IGFN1: variants seen among roughly 807,000 people sequenced by gnomAD.
The protein encoded by IGFN1 is immunoglobulin like and fibronectin type III domain containing 1.
IGFN1 carries 253 observed loss-of-function variants against 289.5 expected under a neutral mutation model. The observed-to-expected ratio is 0.87, with a 90% confidence interval of 0.79 to 0.97. The LOEUF (loss-of-function observed/expected upper bound fraction) is 0.97, where lower values mean the gene tolerates loss of function less well. IGFN1 is among the 50% of genes least tolerant of loss of function. IGFN1 has a pLI of 0.00. For synonymous variants in IGFN1, 1,706 were observed against 1,788.5 expected (o/e 0.95, Z 1.16); for missense variants, 4,470 against 4,686.1 (o/e 0.95, Z 1.35).
At chr1:201,215,317 C>T (rs888707003) in intron 14 of IGFN1, among the ~76,000 whole-genome samples, 163 bp downstream of exon 14, 2 of 152,206 alleles carry the variant, frequency 1.3e-5, no homozygotes, top group Non-Finnish European at 2.9e-5. Context: ...CATACCCTGC[C>T]TATTCCAGCA....
At chr1:201,216,132 T>C (rs1406755544) in intron 15 of IGFN1, 4 of 646,174 alleles carry the variant, frequency 6.2e-6, no homozygotes, top group Non-Finnish European at 1.1e-5. Flanking sequence ...CAGCCCTGAG[T>C]GGTGCCAGCA....
chr1:201,211,326 G>A lies in IGFN1; in HGVS notation c.6433G>A (p.Asp2145Asn), dbSNP rs1431418332. Residue 2145 changes from aspartate to asparagine, a missense_variant, in exon 12 of 24, where the codon GAT becomes AAT. Asp to Asn is a conservative substitution (Grantham distance 23). Coordinates refer to ENST00000335211, the MANE Select transcript of IGFN1 (RefSeq NM_001164586.2). The part of the protein sequence containing the change: ...GSVNEAGYRK[D>N]LGAPKGMGSE... ...AGTGAATGAGGCAGGTTATAGGAAG[G>A]ATTTGGGGGCTCCTAAGGGAATGGG... 3.3e-6 allele frequency: 5 copies of A among 1,501,224 alleles called. No individual in the cohort carries two copies. In the African/African-American group the frequency reaches 7.0e-5, roughly 21 times the overall value. The allele number at this position is 1,501,224 out of a possible 1,614,324, so 93.0% of individuals were successfully genotyped here.
intron 12 of IGFN1, 65 bp from the exon 13 acceptor site, chr1:201,214,112 C>T (rs976721911): frequency 2.2e-5 from 32 of 1,475,992 alleles, no homozygotes; most frequent in Middle Eastern, 2.3e-4. Context: ...GGTGGCCTTG[C>T]GGGGCACAGC....
intron 14 of IGFN1, 94 bp from the exon 15 acceptor site, chr1:201,215,445 T>G: frequency 8.5e-7 from 1 of 1,170,660 alleles, no homozygotes; most frequent in Non-Finnish European, 1.2e-6. Flanking sequence ...GATTCCTTAC[T>G]CTTCCCCCAA....
At position 201,217,593 on chromosome 1, in the gene IGFN1, T is replaced by C. The variant is rs916678711; in HGVS notation, c.9769+133T>C. ...GGTTTGGCAACGTCTGGAGATATTT[T>C]TCGTGGTCACAATGGGGTGGAGGGT... is the stretch of plus-strand genomic sequence containing the variant. On this transcript the variant is annotated intron_variant, in intron 17 of 23. Coordinates refer to ENST00000335211, the MANE Select transcript of IGFN1 (RefSeq NM_001164586.2). The C allele has an allele frequency of 1.8e-5, 16 of 887,790 alleles. No homozygotes were observed. The Admixed American group carries it at 3.3e-4, about 18-fold the overall frequency. 55.0% of individuals were successfully genotyped at this position (887,790 alleles called of 1,614,324 possible).
chr1:201,218,425 G>A (rs1653472237), intron 17 of IGFN1, 105 bp from the exon 18 acceptor site: 4 of 1,121,580 alleles, frequency 3.6e-6, no homozygotes, highest in Non-Finnish European at 5.1e-6. Flanking sequence ...GGAGGGATGT[G>A]TTAGGACCCC....
Position 201,226,527 on chromosome 1 carries a change from G to C in IGFN1, c.10787-355G>C, listed in dbSNP as rs924450193. Among the ~76,000 whole-genome samples, 3 of 152,224 alleles carry C rather than the reference G, an allele frequency of 2.0e-5. No homozygotes were observed. The South Asian group carries it at 6.2e-4, about 32-fold the overall frequency. On this transcript the variant is annotated intron_variant, in intron 22 of 23. Transcript: ENST00000335211. ...AAGCAGGCTATAAAATCAAATCAAG[G>C]TTTCATTTTCATAAAATACAAAAAT...
chr1:201,216,355 G>A (rs975465993), intron 15 of IGFN1, 99 bp from the exon 16 acceptor site: 14 of 938,368 alleles, frequency 1.5e-5, no homozygotes, highest in East Asian at 2.7e-5. Context: ...GGATGGGGGT[G>A]GGGGGGAGTC....
rs2102348757 is a variant in IGFN1 at position 201,212,581 on chromosome 1, G to T, written c.7688G>T (p.Arg2563Met). 1 of 1,549,442 alleles carries T rather than the reference G, an allele frequency of 6.5e-7. No individual in the cohort carries two copies. The highest frequency in any genetic ancestry group is 2.4e-5 in the East Asian group (1 of 40,920). The change falls in exon 12 of 24, where the codon AGG becomes ATG. Residue 2563 changes from arginine to methionine, a missense_variant. By Grantham distance (91) the Arg-to-Met change is moderately conservative. Around this residue, in one of 8 missense-constraint regions of IGFN1, gnomAD observed 2,218 missense variants for 2,114.1 expected, o/e 1.05. Coordinates refer to ENST00000335211, the MANE Select transcript of IGFN1 (RefSeq NM_001164586.2). Reference sequence around the variant, plus strand: ...AAAGCAGGCCCAGGAATGACAGACAGGGGTAGAGTTGCTGGCCAGGGGGGG... The same window carrying T: ...AAAGCAGGCCCAGGAATGACAGACATGGGTAGAGTTGCTGGCCAGGGGGGG... ...IWKAGPGMTDRGRVAGQGGLA... is the reference protein window; with the variant it reads ...IWKAGPGMTDMGRVAGQGGLA...
chr1:201,217,182 G>C, intron 16 of IGFN1, 105 bp from the exon 17 acceptor site: 1 of 970,566 alleles, frequency 1.0e-6, no homozygotes, highest in Non-Finnish European at 1.6e-6. Flanking sequence ...GGACAGGGCG[G>C]AGTGTGGCCT....
chr1:201,205,052 C>A, intron 10 of IGFN1, 30 bp from the exon 11 acceptor site: 4 of 1,517,778 alleles, frequency 2.6e-6, no homozygotes, highest in Non-Finnish European at 8.9e-7. Context: ...TACCATCAAG[C>A]TGATATCCCC....
chr1:201,214,330 AC>A, intron 13 of IGFN1, 29 bp downstream of exon 13: 1 of 1,583,006 alleles, frequency 6.3e-7, no homozygotes, highest in Non-Finnish European at 8.6e-7. Flanking sequence ...CCTTCTCTTT[AC>A]CAGTGGGAGG....
chr1:201,206,212 C>G lies in IGFN1; in HGVS notation c.1319C>G (p.Pro440Arg), dbSNP rs1162799691. ...SQGEKSREQG[P>R]RGGSLEGAGP... ...GGAGAGAAATCCAGAGAGCAGGGCC[C>G]CAGGGGGGGCTCCCTTGAAGGGGCT... Residue 440 changes from proline (P) to arginine (R), a missense_variant, in exon 12 of 24, where the codon CCC becomes CGC. Pro to Arg is a moderately radical substitution (Grantham distance 103, BLOSUM62 -2). Coordinates refer to ENST00000335211, the MANE Select transcript of IGFN1 (RefSeq NM_001164586.2). 1.9e-6 allele frequency: 3 copies of G among 1,548,744 alleles called. No homozygotes were observed. The South Asian group carries it at 3.6e-5, about 18-fold the overall frequency.
Position 201,215,165 on chromosome 1 carries a change from G to C in IGFN1, c.8995+11G>C. ...CCCTGACCGTCCAGGGTAAGGCCCA[G>C]CCCTGCCCTGCCCTGCCCTGTCCTG... On this transcript the variant is annotated intron_variant, in intron 14 of 23. Coordinates refer to ENST00000335211, the MANE Select transcript of IGFN1 (RefSeq NM_001164586.2). 1 of 1,592,000 alleles carries C rather than the reference G, an allele frequency of 6.3e-7. No individual in the cohort carries two copies. Among genetic ancestry groups the C allele is most frequent in the Non-Finnish European group, 8.5e-7 (1 of 1,172,240 alleles).
chr1:201,224,598 C>G (rs191165613), intron 20 of IGFN1, 81 bp from the exon 21 acceptor site: 3 of 1,201,898 alleles, frequency 2.5e-6, no homozygotes, highest in South Asian at 1.4e-5. Flanking sequence ...CCGCTTCTAC[C>G]TTTGGCCTAG....
At position 201,215,599 on chromosome 1, in the gene IGFN1, C is replaced by T. The variant is rs755934776; in HGVS notation, c.9056C>T (p.Ala3019Val). 1 of 1,612,042 alleles carries T rather than the reference C, an allele frequency of 6.2e-7. No homozygotes were observed. The highest frequency in any genetic ancestry group is 1.7e-5 in the Admixed American group (1 of 59,774). ...EKLREPLVVKAGKPVIVKIPF... is the reference protein window; with the variant it reads ...EKLREPLVVKVGKPVIVKIPF... Reference sequence around the variant, plus strand: ...CTGAGAGAGCCACTGGTGGTCAAGGCTGGGAAGCCGGTGATAGTGAAGATC... The same window carrying T: ...CTGAGAGAGCCACTGGTGGTCAAGGTTGGGAAGCCGGTGATAGTGAAGATC... The change falls in exon 15 of 24, where the codon GCT (alanine) becomes GTT (valine). Residue 3019 changes from alanine (A) to valine (V), a missense_variant. This residue lies in a region of IGFN1 where 2,218 missense variants were observed against 2,114.1 expected (regional missense o/e 1.05). Transcript: ENST00000335211.
chr1:201,215,490 C>A (rs777579125), intron 14 of IGFN1, 49 bp from the exon 15 acceptor site: 8 of 1,473,208 alleles, frequency 5.4e-6, no homozygotes, highest in African/African-American at 2.8e-5. Flanking sequence ...CTATATTCCC[C>A]AGGTGCCCAG....
intron 1 of IGFN1, 83 bp downstream of exon 1, chr1:201,190,990 T>C (rs1308140946): frequency 6.6e-6 from 1 of 152,334 alleles, no homozygotes; most frequent in East Asian, 1.9e-4. Flanking sequence ...CCAGCTTTTC[T>C]ACGCAGGAAG....
chr1:201,200,179 T>G (rs1667086542), intron 7 of IGFN1, 58 bp from the exon 8 acceptor site: 17 of 1,433,016 alleles, frequency 1.2e-5, no homozygotes, highest in Admixed American at 4.4e-5. Context: ...CAGAGCCAGG[T>G]GGCCAACAGA....
Sources: allele counts gnomAD v4.1 joint callset (sites outside exome capture counted in the v4.1 genomes callset), GRCh38; gene constraint gnomAD v4.1.1; regional missense constraint gnomAD v4.1.1; transcripts MANE v1.5; gene names NCBI Gene and HGNC (gene_info 2026-07-23, HGNC 2026-07-21).